Variants in PDK2 observed in about 807,000 individuals in gnomAD.
PDK2 encodes the protein pyruvate dehydrogenase kinase, isozyme 2.
In PDK2, 34 loss-of-function variants were observed where a neutral mutation model predicts 50.4. That is an observed-to-expected ratio of 0.68 (90% confidence interval 0.51 to 0.90). The LOEUF (loss-of-function observed/expected upper bound fraction) is 0.90, where lower values mean the gene tolerates loss of function less well. PDK2 is among the 40% of genes least tolerant of loss of function. The probability of loss-of-function intolerance (pLI) is 0.00; values close to 1 mark genes in which losing one functional copy is unlikely to be tolerated. For synonymous variants in PDK2, 232 were observed against 216.0 expected (o/e 1.07, Z -0.65); for missense variants, 377 against 544.5 (o/e 0.69, Z 3.06).
chr17:50,097,450 C>T lies in PDK2; in HGVS notation c.146C>T (p.Ser49Phe). Residue 49 changes from serine to phenylalanine, a missense_variant, in exon 2 of 11, where the codon TCC becomes TTC. Transcript: ENST00000503176. ...FGSSNACEKTSFTFLRQELPV... is the reference protein window; with the variant it reads ...FGSSNACEKTFFTFLRQELPV... ...TCCAGCAATGCCTGTGAGAAAACCT[C>T]CTTCACCTTCCTCAGGCAGGAGCTG... 1 of 1,613,678 alleles carries T rather than the reference C, an allele frequency of 6.2e-7. No individual in the cohort carries two copies. Among genetic ancestry groups the T allele is most frequent in the South Asian group, 1.1e-5 (1 of 91,074 alleles).
intron 3 of PDK2, 31 bp from the exon 4 acceptor site, chr17:50,105,854 G>A (rs779479734): frequency 2.5e-6 from 4 of 1,607,014 alleles, no homozygotes; most frequent in Non-Finnish European, 1.7e-6. Flanking sequence ...GTCTGGGGGT[G>A]TCCCATGTGA....
chr17:50,108,187 C>A lies in PDK2; in HGVS notation c.717C>A (p.Val239=). 6.3e-7 allele frequency: 1 copy of A among 1,597,574 alleles called. No homozygotes were observed. The highest frequency in any genetic ancestry group is 1.1e-5 in the South Asian group (1 of 88,512). The change falls in exon 7 of 11, where the codon GTC becomes GTA. Residue 239 remains valine, a synonymous_variant. Transcript: ENST00000503176. The part of the protein sequence containing the change: ...AANSKQPIHM[V]YVPSHLYHML... ...ACTCCAAACAGCCGATTCACATGGT[C>A]TACGTCCCCTCCCACCTCTACCACA... is the stretch of plus-strand genomic sequence containing the variant.
Position 50,110,237 on chromosome 17 carries a change from C to T in PDK2, c.*140C>T, listed in dbSNP as rs867286038. The T allele has an allele frequency of 1.6e-5, 15 of 913,502 alleles. No individual in the cohort carries two copies. The highest frequency in any genetic ancestry group is 7.2e-4 in the Middle Eastern group (2 of 2,790). 56.6% of individuals were successfully genotyped at this position (913,502 alleles called of 1,614,324 possible). ...GGTTCTGTCTCTATGGAAGTCACTG[C>T]GGTGATAGGTCTGTGATGGTCCCTA... On this transcript the variant is annotated 3_prime_UTR_variant, in exon 11 of 11. Coordinates refer to ENST00000503176, the MANE Select transcript of PDK2 (RefSeq NM_002611.5).
chr17:50,111,120 GCGGTGCCC>G lies in PDK2; in HGVS notation c.*1024_*1031del, dbSNP rs1910813299. 1 of 152,360 alleles carries G rather than the reference GCGGTGCCC, an allele frequency of 6.6e-6. No individual in the cohort carries two copies. The allele number at this position is 152,360 out of a possible 1,614,324, so 9.4% of individuals were successfully genotyped here. A position where few individuals can be genotyped will look rare whatever the true frequency, so the allele number is the denominator to read the frequency against. ...ACGTGCGCACGTACACACGCACACT[GCGGTGCCC>G]TGTGACCACCACATGACGCACCGGG... On this transcript the variant is annotated 3_prime_UTR_variant, in exon 11 of 11. Transcript: ENST00000503176.
intron 2 of PDK2, among the ~76,000 whole-genome samples, chr17:50,100,381 G>T (rs1474175415): frequency 1.3e-5 from 2 of 152,218 alleles, no homozygotes; most frequent in Non-Finnish European, 2.9e-5. Context: ...CTCAGCATGT[G>T]TGACTTTGAA....
chr17:50,099,934 T>G (rs1292265090), intron 2 of PDK2, among the ~76,000 whole-genome samples: 1 of 152,184 alleles, frequency 6.6e-6, no homozygotes, highest in Admixed American at 6.5e-5. Flanking sequence ...GACTGAGGTG[T>G]GAAGACAAGA....
intron 2 of PDK2, 98 bp downstream of exon 2, chr17:50,097,662 G>T: frequency 6.9e-7 from 1 of 1,451,396 alleles, no homozygotes; most frequent in East Asian, 2.3e-5. Context: ...TTTGAGGGTG[G>T]GGTGGGGACA....
rs1910862164 is a variant in PDK2, at chr17:50,111,742, T to C, written c.*1645T>C. 6.6e-6 allele frequency: 1 copy of C among 152,268 alleles called. No individual in the cohort carries two copies. Among genetic ancestry groups the C allele is most frequent in the African/African-American group, 2.4e-5 (1 of 41,448 alleles). The allele number at this position is 152,268 out of a possible 1,614,324, so 9.4% of individuals were successfully genotyped here. ...GCTGACCAGCGCCACACATGAACAC[T>C]TCCTCCAAGGACATTTCCTAAAAAG... On this transcript the variant is annotated 3_prime_UTR_variant, in exon 11 of 11. Transcript: ENST00000503176.
chr17:50,105,046 TCTC>T (rs1910433892), intron 2 of PDK2, among the ~76,000 whole-genome samples: 2 of 152,160 alleles, frequency 1.3e-5, no homozygotes, highest in Non-Finnish European at 2.9e-5. Context: ...CCCTGCCCCA[TCTC>T]AGCCTCAGTC....
At position 50,109,423 on chromosome 17, in the gene PDK2, C is replaced by G. The variant is rs1375820436; in HGVS notation, c.1083+23C>G. The G allele has an allele frequency of 6.6e-7, 1 of 1,519,820 alleles. No individual in the cohort carries two copies. The highest frequency in any genetic ancestry group is 1.4e-5 in the African/African-American group (1 of 72,762). 94.1% of individuals were successfully genotyped at this position (1,519,820 alleles called of 1,614,324 possible). A position where few individuals can be genotyped will look rare whatever the true frequency, so the allele number is the denominator to read the frequency against. On this transcript the variant is annotated intron_variant, in intron 10 of 10. Coordinates refer to ENST00000503176, the MANE Select transcript of PDK2 (RefSeq NM_002611.5). The surrounding 1 kb of genome is among the most constrained non-coding windows in gnomAD (Gnocchi z 5.0). ...AAGGTGAGGGCCCTTCCCGCAGAGC[C>G]CAGCTGGAGAAGAGCTTTGCTGATA...
chr17:50,105,710 G>A lies in PDK2; in HGVS notation c.333-175G>A, dbSNP rs115305261. Among the ~76,000 whole-genome samples, 585 of 152,332 alleles carry A rather than the reference G, an allele frequency of 3.8e-3. 7 individuals are homozygous for A. The highest frequency in any genetic ancestry group is 0.013 in the African/African-American group (555 of 41,576). On this transcript the variant is annotated intron_variant, in intron 3 of 10. Coordinates refer to ENST00000503176, the MANE Select transcript of PDK2 (RefSeq NM_002611.5). The stretch of plus-strand genomic sequence containing the variant: ...ATGAGAACTCTGGGCTTTCGAGTGG[G>A]AAGCCTGCCGGCAGGCAGCTAAAAG...
intron 1 of PDK2, 87 bp downstream of exon 1, chr17:50,095,640 A>G: frequency 6.7e-7 from 1 of 1,500,378 alleles, no homozygotes; most frequent in Non-Finnish European, 9.0e-7. Flanking sequence ...GGAGGAGAAG[A>G]AAGGCCCCGA....
At position 50,109,540 on chromosome 17, in the gene PDK2, C is replaced by T. The variant is rs990274653; in HGVS notation, c.1083+140C>T. ...GACTCTGAGAATCCAAGCAAAGCTA[C>T]AGTTCCTCAACCTGAAGAACCCTCA... On this transcript the variant is annotated intron_variant, in intron 10 of 10. Coordinates refer to ENST00000503176, the MANE Select transcript of PDK2 (RefSeq NM_002611.5). This position sits in a 1 kb window ranked among gnomAD's most constrained non-coding sequence, Gnocchi z 5.0. 2 of 587,488 alleles carry T rather than the reference C, an allele frequency of 3.4e-6. No individual in the cohort carries two copies. The highest frequency in any genetic ancestry group is 6.0e-6 in the Non-Finnish European group (2 of 333,540). 36.4% of individuals were successfully genotyped at this position (587,488 alleles called of 1,614,324 possible). A position where few individuals can be genotyped will look rare whatever the true frequency, so the allele number is the denominator to read the frequency against.
chr17:50,096,489 T>C (rs1020647146), intron 1 of PDK2, among the ~76,000 whole-genome samples: 6 of 152,102 alleles, frequency 3.9e-5, no homozygotes, highest in African/African-American at 1.4e-4. Flanking sequence ...GCTGCGTCAA[T>C]GATGGGACGG....
chr17:50,106,955 G>T, intron 5 of PDK2, 72 bp downstream of exon 5: 3 of 1,494,926 alleles, frequency 2.0e-6, no homozygotes, highest in Non-Finnish European at 9.3e-7. Context: ...TGGCCAGAGG[G>T]TGACTCGTTC....
At chr17:50,096,038 G>A (rs1269217539) in intron 1 of PDK2, 11 of 838,688 alleles carry the variant, frequency 1.3e-5, no homozygotes, top group African/African-American at 1.8e-5. Flanking sequence ...CCTGGGCAGA[G>A]GGTGAGATTA....
intron 6 of PDK2, 88 bp from the exon 7 acceptor site, chr17:50,108,068 T>C: frequency 9.4e-7 from 1 of 1,064,138 alleles, no homozygotes; most frequent in Non-Finnish European, 1.4e-6. Context: ...CTCAGAACTT[T>C]GTGGGAGGGG....
At position 50,095,480 on chromosome 17, in the gene PDK2, G is replaced by A; in HGVS notation, c.45G>A (p.Gly15=). Reference sequence around the variant, plus strand: ...TGCTGAAGAATGCGTCCCTGGCAGGGGCGCCCAAGTACATAGAGCACTTCA... The same window carrying A: ...TGCTGAAGAATGCGTCCCTGGCAGGAGCGCCCAAGTACATAGAGCACTTCA... ...WALLKNASLA[G]APKYIEHFSK... The change falls in exon 1 of 11, where the codon GGG becomes GGA. Residue 15 remains glycine (G), a synonymous_variant. Transcript: ENST00000503176. 1 of 1,606,100 alleles carries A rather than the reference G, an allele frequency of 6.2e-7. No homozygotes were observed. The highest frequency in any genetic ancestry group is 1.1e-5 in the South Asian group (1 of 89,468).
chr17:50,106,727 C>CG (rs1207368593), intron 4 of PDK2, 67 bp from the exon 5 acceptor site: 3 of 1,340,154 alleles, frequency 2.2e-6, no homozygotes, highest in Admixed American at 1.7e-5. Flanking sequence ...GAGGAAAGCC[C>CG]GGGGGAAGAG....
Sources: gnomAD v4.1 joint callset for allele counts (sites outside exome capture counted in the v4.1 genomes callset) on GRCh38, gnomAD v4.1.1 for gene constraint, Gnocchi (gnomAD v3.1) non-coding constraint, MANE v1.5 for transcripts, NCBI Gene and HGNC (gene_info 2026-07-23, HGNC 2026-07-21) for gene names.